The following SIRPA variants were observed in gnomAD, a reference collection of about 807,000 sequenced individuals.
The protein encoded by SIRPA is tyrosine-protein phosphatase non-receptor type substrate 1.
A neutral mutation model predicts 50.3 loss-of-function variants in SIRPA; 9 were observed. The observed-to-expected ratio is 0.18, with a 90% CI of 0.11 to 0.31. The LOEUF is 0.31. SIRPA is among the 10% of genes least tolerant of loss of function. SIRPA has a pLI of 1.00. For missense variants in SIRPA, 474 were observed against 661.6 expected (o/e 0.72, Z 3.11); for synonymous variants, 265 against 284.1 (o/e 0.93, Z 0.68).
chr20:1,910,527 C>A (rs539555387), intron 1 of SIRPA, among the ~76,000 whole-genome samples: 88 of 152,158 alleles, frequency 5.8e-4, no homozygotes, highest in Non-Finnish European at 1.0e-3. Context: ...TCTAGACATG[C>A]GATTGACCAA....
At chr20:1,920,402 GTA>G (rs1203395499) in intron 2 of SIRPA, among the ~76,000 whole-genome samples, 4 of 152,206 alleles carry the variant, frequency 2.6e-5, no homozygotes, top group African/African-American at 9.7e-5. Flanking sequence ...GCGATAGGAG[GTA>G]TGGGGTAATG....
chr20:1,921,340 C>T (rs1018984946), intron 2 of SIRPA, 55 bp from the exon 3 acceptor site: 15 of 1,609,080 alleles, frequency 9.3e-6, no homozygotes, highest in South Asian at 1.1e-5. Context: ...ACACACTTAT[C>T]GTTAGTGATT....
chr20:1,927,989 G>T lies in SIRPA; in HGVS notation c.1226+90G>T. 3 of 1,078,348 alleles carry T rather than the reference G, an allele frequency of 2.8e-6. No homozygotes were observed. In the South Asian group the frequency reaches 3.7e-5, roughly 13 times the overall value. The allele number at this position is 1,078,348 out of a possible 1,614,324, so 66.8% of individuals were successfully genotyped here. ...CTACAAAGCATAATCCATGTCCACT[G>T]ACCTCACCAATGTGTTGGTCAACAT... On this transcript the variant is annotated intron_variant, in intron 6 of 7. Coordinates refer to ENST00000358771, the MANE Select transcript of SIRPA (RefSeq NM_001040023.2). This position sits in a 1 kb window ranked among gnomAD's most constrained non-coding sequence, Gnocchi z 6.5.
rs1986468121 is a variant in SIRPA at position 1,934,634 on chromosome 20, C to G, written c.1227-81C>G. ...TCCTCAACCCATATAGAAAATGGAG[C>G]CTAAATGTTATTCTTATCAGTTTGC... On this transcript the variant is annotated intron_variant, in intron 6 of 7. Coordinates refer to ENST00000358771, the MANE Select transcript of SIRPA (RefSeq NM_001040023.2). The surrounding 1 kb of genome is among the most constrained non-coding windows in gnomAD (Gnocchi z 4.6). The G allele has an allele frequency of 7.2e-7, 1 of 1,380,798 alleles. No individual in the cohort carries two copies. Among genetic ancestry groups the G allele is most frequent in the Non-Finnish European group, 1.0e-6 (1 of 970,734 alleles). 85.5% of individuals were successfully genotyped at this position (1,380,798 alleles called of 1,614,324 possible). A position where few individuals can be genotyped will look rare whatever the true frequency, so the allele number is the denominator to read the frequency against.
chr20:1,923,531 G>A (rs1251828200), intron 4 of SIRPA, among the ~76,000 whole-genome samples: 2 of 152,238 alleles, frequency 1.3e-5, no homozygotes. Context: ...GTAGGGCATC[G>A]GCCAATGCTG....
At chr20:1,903,785 C>T (rs1984380876) in intron 1 of SIRPA, among the ~76,000 whole-genome samples, 2 of 152,196 alleles carry the variant, frequency 1.3e-5, no homozygotes, top group African/African-American at 2.4e-5. Context: ...GTCCCAACCA[C>T]CCCATTCCAA....
At position 1,932,206 on chromosome 20, in the gene SIRPA, G is replaced by A. The variant is rs151332671; in HGVS notation, c.1227-2509G>A. On this transcript the variant is annotated intron_variant, in intron 6 of 7. Transcript: ENST00000358771. The surrounding 1 kb of genome is among the most constrained non-coding windows in gnomAD (Gnocchi z 6.0). ...AAGCTCAGTGTCCGCTGAGGAGACA[G>A]GTTACCAGACAAGCTGGAAAGTTAA... 1.3e-5 allele frequency among the ~76,000 whole-genome samples: 2 copies of A among 152,194 alleles called. No homozygotes were observed. Among genetic ancestry groups the A allele is most frequent in the South Asian group, 4.1e-4 (2 of 4,832 alleles).
At position 1,924,735 on chromosome 20, in the gene SIRPA, G is replaced by A. The variant is rs368790400; in HGVS notation, c.1088-29G>A. 32 of 1,583,004 alleles carry A rather than the reference G, an allele frequency of 2.0e-5. No individual in the cohort carries two copies. Among genetic ancestry groups the A allele is most frequent in the African/African-American group, 6.7e-5 (5 of 74,254 alleles). On this transcript the variant is annotated intron_variant, in intron 4 of 7. Transcript: ENST00000358771. This position sits in a 1 kb window ranked among gnomAD's most constrained non-coding sequence, Gnocchi z 4.5. ...GGTTTTCTGTTTTTAATCTGCATAC[G>A]TGAAGCCTCTATTCCATGTGGTCCC...
At chr20:1,929,225 G>A (rs1986162960) in intron 6 of SIRPA, among the ~76,000 whole-genome samples, 2 of 152,058 alleles carry the variant, frequency 1.3e-5, no homozygotes, top group Non-Finnish European at 1.5e-5. Flanking sequence ...AGTGTCGCCT[G>A]GCTACATGTG....
intron 5 of SIRPA, among the ~76,000 whole-genome samples, chr20:1,926,406 C>T (rs1985983262): frequency 6.6e-6 from 1 of 152,256 alleles, no homozygotes; most frequent in Non-Finnish European, 1.5e-5. Context: ...GAGTCTCAGG[C>T]CCAGGCAGCA....
Position 1,928,966 on chromosome 20 carries a change from A to G in SIRPA, c.1226+1067A>G, listed in dbSNP as rs894675457. ...CTGCCATGTGAACCCATCTGCATAG[A>G]ACCATGTGGACATCCGTGCTAAGAG... On this transcript the variant is annotated intron_variant, in intron 6 of 7. Transcript: ENST00000358771. This position sits in a 1 kb window ranked among gnomAD's most constrained non-coding sequence, Gnocchi z 4.9. Among the ~76,000 whole-genome samples the G allele has an allele frequency of 1.3e-5, 2 of 152,190 alleles. No homozygotes were observed. Among genetic ancestry groups the G allele is most frequent in the Non-Finnish European group, 2.9e-5 (2 of 68,042 alleles).
intron 1 of SIRPA, among the ~76,000 whole-genome samples, chr20:1,906,406 G>A (rs993924195): frequency 3.3e-5 from 5 of 152,142 alleles, no homozygotes; most frequent in Admixed American, 3.3e-4. Context: ...ATGACATATC[G>A]AACAATGAAG....
At chr20:1,926,444 T>C (rs35383893) in intron 5 of SIRPA, among the ~76,000 whole-genome samples, 9,246 of 152,298 alleles carry the variant, frequency 0.061, 315 homozygotes, top group Middle Eastern at 0.12. Context: ...CGTGAGCTCA[T>C]TACTGTGGGC....
chr20:1,915,642 A>G (rs6136377), intron 2 of SIRPA, among the ~76,000 whole-genome samples, 187 bp downstream of exon 2: 56,625 of 152,148 alleles, frequency 0.37, 10,876 homozygotes, highest in East Asian at 0.66. Context: ...AAGGCTCCAC[A>G]GCTGGTAAAG....
chr20:1,907,665 C>T (rs987867599), intron 1 of SIRPA, among the ~76,000 whole-genome samples: 2 of 152,218 alleles, frequency 1.3e-5, no homozygotes, highest in Admixed American at 1.3e-4. Flanking sequence ...TCGCCATGTG[C>T]GTGGTCATTG....
At chr20:1,922,738 G>A (rs532442752) in intron 4 of SIRPA, 93 bp downstream of exon 4, 780 of 1,349,616 alleles carry the variant, frequency 5.8e-4, no homozygotes, top group Non-Finnish European at 7.3e-4. Context: ...GCTTATTATA[G>A]AACAATCTAG....
At chr20:1,904,709 G>A (rs1040896884) in intron 1 of SIRPA, among the ~76,000 whole-genome samples, 2 of 152,128 alleles carry the variant, frequency 1.3e-5, no homozygotes, top group African/African-American at 2.4e-5. Flanking sequence ...TTTTGCCAGC[G>A]GGGAGACCTG....
rs1295746136 is a variant in SIRPA at position 1,937,900 on chromosome 20, C to CG, written c.*333dup. The CG allele has an allele frequency of 3.2e-6, 1 of 314,150 alleles. No homozygotes were observed. The highest frequency in any genetic ancestry group is 2.1e-5 in the African/African-American group (1 of 47,854). The allele number at this position is 314,150 out of a possible 1,614,324, so 19.5% of individuals were successfully genotyped here. On this transcript the variant is annotated 3_prime_UTR_variant, in exon 8 of 8. Transcript: ENST00000358771. This position sits in a 1 kb window ranked among gnomAD's most constrained non-coding sequence, Gnocchi z 8.3. ...TCACCATGTGGGTTTTGAAGACCCT[C>CG]GACTGCCTCCCCGATGCTCCGAAGC...
rs1986108866 is a variant in SIRPA at position 1,928,268 on chromosome 20, T to A, written c.1226+369T>A. On this transcript the variant is annotated intron_variant, in intron 6 of 7. Coordinates refer to ENST00000358771, the MANE Select transcript of SIRPA (RefSeq NM_001040023.2). The surrounding 1 kb of genome is among the most constrained non-coding windows in gnomAD (Gnocchi z 4.9). ...TGTATACTTTACTCTTTCCTTTGTT[T>A]AGTAAATATTTATTGAGTACCTTGG... Among the ~76,000 whole-genome samples, 1 of 152,194 alleles carries A rather than the reference T, an allele frequency of 6.6e-6. No individual in the cohort carries two copies. Among genetic ancestry groups the A allele is most frequent in the Non-Finnish European group, 1.5e-5 (1 of 68,032 alleles).
Sources: gnomAD v4.1 joint callset for allele counts (sites outside exome capture counted in the v4.1 genomes callset) on GRCh38, gnomAD v4.1.1 for gene constraint, Gnocchi (gnomAD v3.1) non-coding constraint, MANE v1.5 for transcripts, NCBI Gene and HGNC (gene_info 2026-07-23, HGNC 2026-07-21) for gene names.